ADAMTS2: variants seen among roughly 807,000 people sequenced by gnomAD.
The protein encoded by ADAMTS2 is ADAM metallopeptidase with thrombospondin type 1 motif 2.
ADAMTS2 carries 50 observed loss-of-function variants against 123.0 expected under a neutral mutation model. That is an observed-to-expected ratio of 0.41 (90% CI 0.32 to 0.51). The LOEUF is 0.51. ADAMTS2 is among the 20% of genes least tolerant of loss of function. ADAMTS2 has a pLI of 0.35. For synonymous variants in ADAMTS2, 678 were observed against 695.4 expected, an observed-to-expected ratio of 0.98 and a Z score of 0.39; for missense variants, 1,494 against 1,705.2, an observed-to-expected ratio of 0.88 and a Z score of 2.18.
rs1222786573 is a variant in ADAMTS2 at position 179,130,902 on chromosome 5, C to T, written c.2291-804G>A. ...CAGAGAGCGACCTCAGCCCCAGAGG[C>T]GGTGGCAGGAAGCAGCGTTGGGACA... On this transcript the variant is annotated intron_variant, in intron 15 of 21. Transcript: ENST00000251582. This position sits in a 1 kb window ranked among gnomAD's most constrained non-coding sequence, Gnocchi z 4.3. Among the ~76,000 whole-genome samples, 2 of 152,140 alleles carry T rather than the reference C, an allele frequency of 1.3e-5. No individual in the cohort carries two copies. Among genetic ancestry groups the T allele is most frequent in the Non-Finnish European group, 2.9e-5 (2 of 68,038 alleles).
intron 2 of ADAMTS2, among the ~76,000 whole-genome samples, chr5:179,284,403 A>G (rs1178157576): frequency 6.6e-6 from 1 of 152,088 alleles, no homozygotes; most frequent in African/African-American, 2.4e-5. Context: ...TATTTTGGAG[A>G]CAGTGTCTTG....
chr5:179,174,360 C>CT (rs1763888761), intron 5 of ADAMTS2, among the ~76,000 whole-genome samples: 1 of 151,942 alleles, frequency 6.6e-6, no homozygotes, highest in African/African-American at 2.4e-5. Context: ...TGTCATTTGC[C>CT]TTTTCATTGT....
rs572163325 is a variant in ADAMTS2, at chr5:179,161,226, A to G, written c.976-2347T>C. Among the ~76,000 whole-genome samples, 48 of 152,296 alleles carry G rather than the reference A, an allele frequency of 3.2e-4. 1 individual carries two copies. The highest frequency in any genetic ancestry group is 2.2e-3 in the Admixed American group (33 of 15,298). ...CCTCTGGGTAGCCTTGAGAGGTCAC[A>G]GTTCTGAAGGAGGAATCGGGCGAAA... On this transcript the variant is annotated intron_variant, in intron 5 of 21. Transcript: ENST00000251582.
chr5:179,159,210 C>T (rs1258671443), intron 5 of ADAMTS2, among the ~76,000 whole-genome samples: 1 of 152,202 alleles, frequency 6.6e-6, no homozygotes, highest in Admixed American at 6.5e-5. Context: ...TGTGTTTGTT[C>T]TATGAGGCAC....
intron 4 of ADAMTS2, among the ~76,000 whole-genome samples, chr5:179,190,990 G>A (rs1764292218): frequency 6.6e-6 from 1 of 152,252 alleles, no homozygotes; most frequent in African/African-American, 2.4e-5. Context: ...CGTCGCCTTT[G>A]GGGAAACAAC....
chr5:179,133,782 G>A (rs950890536), intron 13 of ADAMTS2, among the ~76,000 whole-genome samples: 3 of 149,988 alleles, frequency 2.0e-5, no homozygotes, highest in African/African-American at 4.9e-5. Flanking sequence ...TCAGTGGCGC[G>A]ATCTTGGCTC....
chr5:179,278,924 A>G (rs1267021913), intron 2 of ADAMTS2, among the ~76,000 whole-genome samples: 2 of 151,490 alleles, frequency 1.3e-5, no homozygotes, highest in East Asian at 3.9e-4. Context: ...AGATGTTAAA[A>G]ATTTATAAAG....
chr5:179,110,946 T>C lies in ADAMTS2; in HGVS notation c.*2921A>G, dbSNP rs1457264445. 3 of 152,212 alleles carry C rather than the reference T, an allele frequency of 2.0e-5. No individual in the cohort carries two copies. The highest frequency in any genetic ancestry group is 7.2e-5 in the African/African-American group (3 of 41,450). The allele number at this position is 152,212 out of a possible 1,614,324, so 9.4% of individuals were successfully genotyped here. On this transcript the variant is annotated 3_prime_UTR_variant, in exon 22 of 22. Transcript: ENST00000251582. The stretch of plus-strand genomic sequence containing the variant: ...CAGAACAAAGATGTATTGGTTGTTG[T>C]ATCGGTAAGCCAGAATTTTGTGATT...
Position 179,126,020 on chromosome 5 carries a change from G to T in ADAMTS2, c.2728C>A (p.Pro910Thr). 1 of 1,613,478 alleles carries T rather than the reference G, an allele frequency of 6.2e-7. No homozygotes were observed. Among genetic ancestry groups the T allele is most frequent in the Non-Finnish European group, 8.5e-7 (1 of 1,180,026 alleles). Residue 910 changes from proline to threonine, a missense_variant, in exon 18 of 22, where the codon CCA becomes ACA. By Grantham distance (38) the Pro-to-Thr change is conservative. Around this residue, in one of 6 missense-constraint regions of ADAMTS2, gnomAD observed 953 missense variants for 1,124.7 expected, o/e 0.85. Coordinates refer to ENST00000251582, the MANE Select transcript of ADAMTS2 (RefSeq NM_014244.5). ...CACACTGGCTGGGAGCATTCCTGTGGGTTGCACGCTCTGCGGATGGCTTTG... is the reference window on the plus strand; with the variant it reads ...CACACTGGCTGGGAGCATTCCTGTGTGTTGCACGCTCTGCGGATGGCTTTG... ...KPKAIRRACN[P>T]QECSQPVWVT...
At chr5:179,244,546 T>C (rs1036909762) in intron 3 of ADAMTS2, among the ~76,000 whole-genome samples, 2 of 152,210 alleles carry the variant, frequency 1.3e-5, no homozygotes, top group Non-Finnish European at 2.9e-5. Context: ...AGTTGGTAAC[T>C]TGAATTCACA....
chr5:179,329,002 A>G (rs1275602443), intron 2 of ADAMTS2, among the ~76,000 whole-genome samples: 1 of 152,166 alleles, frequency 6.6e-6, no homozygotes, highest in African/African-American at 2.4e-5. Context: ...GTCAACCAAC[A>G]GCAATTAAAG....
At chr5:179,176,163 A>G (rs1475867760) in intron 5 of ADAMTS2, among the ~76,000 whole-genome samples, 3 of 152,140 alleles carry the variant, frequency 2.0e-5, no homozygotes, top group Non-Finnish European at 4.4e-5. Flanking sequence ...CCGCCTTTAA[A>G]TACAATCTTG....
At chr5:179,184,680 G>A (rs1764130049) in intron 4 of ADAMTS2, among the ~76,000 whole-genome samples, 1 of 152,100 alleles carries the variant, frequency 6.6e-6, no homozygotes, top group Admixed American at 6.5e-5. Context: ...GGCCTCTTGT[G>A]CAGCCCACCA....
chr5:179,121,035 C>G (rs1198457558), intron 21 of ADAMTS2: 1 of 152,306 alleles, frequency 6.6e-6, no homozygotes, highest in Non-Finnish European at 1.5e-5. Flanking sequence ...TCTCTCAGCC[C>G]TGCGGCGGGG....
intron 2 of ADAMTS2, among the ~76,000 whole-genome samples, chr5:179,283,675 G>C (rs1345151831): frequency 6.6e-6 from 1 of 151,684 alleles, no homozygotes; most frequent in Non-Finnish European, 1.5e-5. Flanking sequence ...GGGAGGCTGA[G>C]GCAGTTAGGA....
Position 179,152,236 on chromosome 5 carries a change from C to A in ADAMTS2, c.1535G>T (p.Cys512Phe), listed in dbSNP as rs749061013. 6.2e-7 allele frequency: 1 copy of A among 1,614,056 alleles called. No individual in the cohort carries two copies. The highest frequency in any genetic ancestry group is 2.2e-5 in the East Asian group (1 of 44,866). Residue 512 changes from cysteine to phenylalanine, a missense_variant, in exon 10 of 22, where the codon TGC becomes TTC. Around this residue, in one of 6 missense-constraint regions of ADAMTS2, gnomAD observed 953 missense variants for 1,124.7 expected, o/e 0.85. Transcript: ENST00000251582. ...MCTAFRTFDP[C>F]KQLWCSHPDN... ...AGGATGGCTGCACCACAGCTGCTTGCAGGGGTCAAAGGTCCGGAACTGGAA... is the reference window on the plus strand; with the variant it reads ...AGGATGGCTGCACCACAGCTGCTTGAAGGGGTCAAAGGTCCGGAACTGGAA...
intron 3 of ADAMTS2, among the ~76,000 whole-genome samples, chr5:179,213,842 G>A (rs1764914707): frequency 6.6e-6 from 1 of 152,230 alleles, no homozygotes; most frequent in Non-Finnish European, 1.5e-5. Context: ...GAAACTTTAT[G>A]CTCCTAAAGC....
chr5:179,276,119 A>C (rs1178551987), intron 2 of ADAMTS2, among the ~76,000 whole-genome samples: 6 of 152,162 alleles, frequency 3.9e-5, no homozygotes, highest in Non-Finnish European at 8.8e-5. Flanking sequence ...GGGCTCAACC[A>C]GGCCTGGCGA....
intron 5 of ADAMTS2, among the ~76,000 whole-genome samples, chr5:179,179,005 T>G (rs1000662283): frequency 6.6e-6 from 1 of 152,192 alleles, no homozygotes; most frequent in Non-Finnish European, 1.5e-5. Flanking sequence ...AGCGCAGTGG[T>G]GTGATCTCAG....
Sources: gnomAD v4.1 joint callset for allele counts (sites outside exome capture counted in the v4.1 genomes callset) on GRCh38, gnomAD v4.1.1 for gene constraint, gnomAD v4.1.1 regional missense constraint, Gnocchi (gnomAD v3.1) non-coding constraint, MANE v1.5 for transcripts, NCBI Gene and HGNC (gene_info 2026-07-23, HGNC 2026-07-21) for gene names.